PDIA6: variants seen among roughly 807,000 people sequenced by gnomAD.
The protein encoded by PDIA6 is protein disulfide isomerase family A member 6, also known as protein disulfide-isomerase A6.
In PDIA6, 29 loss-of-function variants were observed where a neutral mutation model predicts 58.4. That is an observed-to-expected ratio of 0.50 (90% CI 0.37 to 0.68). The LOEUF is 0.68. PDIA6 is among the 30% of genes least tolerant of loss of function. The pLI is 0.00. For synonymous variants in PDIA6, 192 were observed against 202.6 expected, an observed-to-expected ratio of 0.95 and a Z score of 0.44; for missense variants, 480 against 551.0, an observed-to-expected ratio of 0.87 and a Z score of 1.29.
At chr2:10,789,242 A>G (rs1158270753) in intron 8 of PDIA6, among the ~76,000 whole-genome samples, 2 of 148,280 alleles carry the variant, frequency 1.3e-5, no homozygotes, top group African/African-American at 4.9e-5. Context: ...CAATGCCTGG[A>G]CACAGCCTGG....
At chr2:10,785,698 CTA>C (rs1439681828) in intron 11 of PDIA6, among the ~76,000 whole-genome samples, 5 of 152,200 alleles carry the variant, frequency 3.3e-5, no homozygotes, top group African/African-American at 9.7e-5. Context: ...AAATACTACT[CTA>C]TGACAATCAC....
At chr2:10,831,009 T>C (rs1336546541) in intron 1 of PDIA6, among the ~76,000 whole-genome samples, 1 of 152,204 alleles carries the variant, frequency 6.6e-6, no homozygotes, top group Non-Finnish European at 1.5e-5. Context: ...TCACTGTCCC[T>C]GAGCCACAGG....
intron 2 of PDIA6, among the ~76,000 whole-genome samples, chr2:10,818,425 C>G (rs1161332604): frequency 6.6e-6 from 1 of 151,910 alleles, no homozygotes; most frequent in East Asian, 1.9e-4. Context: ...CCTCAGCCTC[C>G]CAAAGTGTTG....
chr2:10,799,772 C>T (rs901935907), intron 2 of PDIA6, among the ~76,000 whole-genome samples: 1 of 152,070 alleles, frequency 6.6e-6, no homozygotes, highest in African/African-American at 2.4e-5. Flanking sequence ...ATCCTCTCTT[C>T]TATTTGATCT....
chr2:10,806,142 C>T (rs1264237690), intron 1 of PDIA6, among the ~76,000 whole-genome samples: 1 of 150,632 alleles, frequency 6.6e-6, no homozygotes, highest in East Asian at 2.0e-4. Flanking sequence ...CCAAGGCAGG[C>T]AGATCGCTTG....
At chr2:10,816,748 C>G (rs1667209021), upstream of PDIA6, among the ~76,000 whole-genome samples, 1 of 152,080 alleles carries the variant, frequency 6.6e-6, no homozygotes, top group Non-Finnish European at 1.5e-5. Context: ...AGAAGGTGAG[C>G]TTCTACTTCC....
intron 1 of PDIA6, among the ~76,000 whole-genome samples, chr2:10,824,093 A>C (rs1254188684): frequency 6.6e-6 from 1 of 152,142 alleles, no homozygotes; most frequent in Non-Finnish European, 1.5e-5. Context: ...AGCACACTCC[A>C]GTAAACCTCC....
chr2:10,809,184 T>C (rs751932476), intron 1 of PDIA6, among the ~76,000 whole-genome samples: 5 of 152,252 alleles, frequency 3.3e-5, no homozygotes, highest in Non-Finnish European at 7.3e-5. Context: ...TAATTTCACC[T>C]GTTTCTTTTG....
intron 1 of PDIA6, among the ~76,000 whole-genome samples, chr2:10,826,365 T>A (rs558056072): frequency 9.3e-6 from 1 of 107,066 alleles, no homozygotes; most frequent in Non-Finnish European, 2.0e-5. Flanking sequence ...CATTGAATAA[T>A]GGATTTTTTT....
At chr2:10,834,732 C>CTCCTTCCTTCCTTCCT (rs869156704), upstream of PDIA6, among the ~76,000 whole-genome samples, 373 of 36,442 alleles carry the variant, frequency 0.01, 22 homozygotes, top group African/African-American at 0.019. Context: ...CCTTCCTTCC[C>CTCCTTCCTTCCTTCCT]TCCTTCCTTC....
rs1207473085 is a variant in PDIA6 at position 10,806,622 on chromosome 2, T to TAAAGAGAAAGAAAGAAAG, written c.20-3983_20-3982insCTTTCTTTCTTTCTCTTT. 7.0e-4 allele frequency among the ~76,000 whole-genome samples: 34 copies of TAAAGAGAAAGAAAGAAAG among 48,712 alleles called. 2 individuals carry two copies. The highest frequency in any genetic ancestry group is 1.2e-3 in the Non-Finnish European group (17 of 14,754). The allele number at this position is 48,712 out of a possible 152,430, so 32.0% of individuals were successfully genotyped here. A position where few individuals can be genotyped will look rare whatever the true frequency, so the allele number is the denominator to read the frequency against. ...TAGCAAAACCACATCTCCTAAAAAA[T>TAAAGAGAAAGAAAGAAAG]AAAGACAGAAAGAAAGAAAGAAAGA... On this transcript the variant is annotated intron_variant, in intron 1 of 12. Transcript: ENST00000272227.
intron 1 of PDIA6, among the ~76,000 whole-genome samples, chr2:10,825,028 G>C (rs1426741574): frequency 6.6e-6 from 1 of 152,142 alleles, no homozygotes; most frequent in Non-Finnish European, 1.5e-5. Flanking sequence ...TGCCAATACA[G>C]CTAGAATATG....
intron 1 of PDIA6, among the ~76,000 whole-genome samples, chr2:10,826,435 C>T (rs1382162119): frequency 6.6e-6 from 1 of 152,110 alleles, no homozygotes; most frequent in East Asian, 1.9e-4. Flanking sequence ...TCTTGGCTCA[C>T]TGCAACTTCT....
At chr2:10,812,830 G>A, upstream of PDIA6, 1 of 1,176,590 alleles carries the variant, frequency 8.5e-7, no homozygotes, top group South Asian at 4.2e-5. Flanking sequence ...GCGCGGGGGC[G>A]GGCCGGAAGG....
chr2:10,836,992 T>C (rs1475153776), upstream of PDIA6, among the ~76,000 whole-genome samples: 1 of 152,182 alleles, frequency 6.6e-6, no homozygotes, highest in Non-Finnish European at 1.5e-5. Flanking sequence ...TTCTCATTCA[T>C]GATGGTTAAC....
At chr2:10,806,626 G>GAA in intron 1 of PDIA6, among the ~76,000 whole-genome samples, 1 of 143,066 alleles carries the variant, frequency 7.0e-6, no homozygotes, top group Middle Eastern at 3.6e-3. Flanking sequence ...AAAAAATAAA[G>GAA]ACAGAAAGAA....
chr2:10,790,565 C>CAG (rs1665986656), intron 7 of PDIA6, among the ~76,000 whole-genome samples, 154 bp downstream of exon 7: 1 of 152,200 alleles, frequency 6.6e-6, no homozygotes, highest in Admixed American at 6.5e-5. Flanking sequence ...GAGTTTCAGA[C>CAG]TTGTTAGTTA....
In PDIA6 at chr2:10,812,703, C is replaced by G; in HGVS notation, c.-7G>C. 6.6e-7 allele frequency: 1 copy of G among 1,526,058 alleles called. No homozygotes were observed. Among genetic ancestry groups the G allele is most frequent in the Non-Finnish European group, 8.8e-7 (1 of 1,139,468 alleles). 94.5% of individuals were successfully genotyped at this position (1,526,058 alleles called of 1,614,324 possible). A position where few individuals can be genotyped will look rare whatever the true frequency, so the allele number is the denominator to read the frequency against. On this transcript the variant is annotated 5_prime_UTR_variant, in exon 1 of 13. Transcript: ENST00000272227. ...CGAGCACCAGGAGAGCCATGCCGAG[C>G]GCCGGGCTACGTGCAGTCCCCACCG...
chr2:10,825,574 T>A (rs1443662607), intron 1 of PDIA6, among the ~76,000 whole-genome samples: 1 of 152,192 alleles, frequency 6.6e-6, no homozygotes, highest in African/African-American at 2.4e-5. Flanking sequence ...TGCAATGATA[T>A]GTCTGGTAAT....
Sources: allele counts gnomAD v4.1 joint callset (sites outside exome capture counted in the v4.1 genomes callset), GRCh38; gene constraint gnomAD v4.1.1; transcripts MANE v1.5; gene names NCBI Gene and HGNC (gene_info 2026-07-23, HGNC 2026-07-21).